TIAM1: variants seen among roughly 807,000 people sequenced by gnomAD.
The protein encoded by TIAM1 is TIAM Rac1 associated GEF 1.
In TIAM1, 65 loss-of-function variants were observed where a neutral mutation model predicts 163.5. The ratio of observed to expected loss-of-function variants is 0.40; its 90% CI spans 0.33 to 0.49. TIAM1 has a LOEUF of 0.49. Among genes scored for constraint, TIAM1 ranks in the 20% least tolerant of loss-of-function variants. The pLI is 0.77. For synonymous variants in TIAM1, 833 were observed against 810.1 expected, an observed-to-expected ratio of 1.03 and a Z score of -0.48; for missense variants, 1,789 against 2,044.7, an observed-to-expected ratio of 0.87 and a Z score of 2.41.
At chr21:31,436,935 G>T (rs1268372914) in intron 2 of TIAM1, among the ~76,000 whole-genome samples, 1 of 152,068 alleles carries the variant, frequency 6.6e-6, no homozygotes, top group African/African-American at 2.4e-5. Context: ...TCCAGCCTGG[G>T]TGACACAGTG....
At chr21:31,255,324 T>C (rs976635836) in intron 4 of TIAM1, among the ~76,000 whole-genome samples, 3 of 152,326 alleles carry the variant, frequency 2.0e-5, no homozygotes, top group South Asian at 4.1e-4. Flanking sequence ...GAGAAACGGA[T>C]GCAGGTTGCC....
intron 1 of TIAM1, among the ~76,000 whole-genome samples, chr21:31,553,878 C>T (rs1293001591): frequency 6.6e-6 from 1 of 152,150 alleles, no homozygotes; most frequent in Non-Finnish European, 1.5e-5. Flanking sequence ...CTCCCCTTCC[C>T]CTAGCGAAGA....
chr21:31,501,074 CT>C (rs956706372), intron 1 of TIAM1, among the ~76,000 whole-genome samples: 1 of 151,498 alleles, frequency 6.6e-6, no homozygotes, highest in African/African-American at 2.4e-5. Context: ...TTTGTTGGTT[CT>C]TTTTTTTTCC....
intron 20 of TIAM1, among the ~76,000 whole-genome samples, chr21:31,145,433 C>T (rs939008980): frequency 2.6e-5 from 4 of 152,338 alleles, no homozygotes; most frequent in East Asian, 1.9e-4. Context: ...TGTTAAGGAA[C>T]AGCAAGCTGA....
At chr21:31,450,800 C>T (rs1369287864) in intron 2 of TIAM1, among the ~76,000 whole-genome samples, 1 of 152,104 alleles carries the variant, frequency 6.6e-6, no homozygotes, top group Non-Finnish European at 1.5e-5. Flanking sequence ...CCTTTTAAAA[C>T]CATCAGATCT....
At chr21:31,324,542 C>G (rs1299353349) in intron 2 of TIAM1, among the ~76,000 whole-genome samples, 1 of 152,144 alleles carries the variant, frequency 6.6e-6, no homozygotes, top group African/African-American at 2.4e-5. Flanking sequence ...GAATCCAAAG[C>G]ACAGAGAACT....
intron 16 of TIAM1, among the ~76,000 whole-genome samples, chr21:31,163,919 A>G (rs1415570398): frequency 6.6e-6 from 1 of 152,252 alleles, no homozygotes; most frequent in Non-Finnish European, 1.5e-5. Context: ...ACAACATTAT[A>G]GAAAAAGATG....
intron 2 of TIAM1, among the ~76,000 whole-genome samples, chr21:31,461,208 G>A (rs969444937): frequency 6.6e-6 from 1 of 152,172 alleles, no homozygotes; most frequent in African/African-American, 2.4e-5. Flanking sequence ...TTGAGGCCAG[G>A]TGCAGTGGCT....
chr21:31,394,854 A>G (rs1388609125), intron 2 of TIAM1, among the ~76,000 whole-genome samples: 1 of 150,166 alleles, frequency 6.7e-6, no homozygotes, highest in African/African-American at 2.5e-5. Context: ...CATTCCCTCC[A>G]CCTCCTTGCC....
chr21:31,509,743 C>G (rs1349557820), intron 1 of TIAM1, among the ~76,000 whole-genome samples: 1 of 152,130 alleles, frequency 6.6e-6, no homozygotes, highest in African/African-American at 2.4e-5. Flanking sequence ...AGAGGCCCTT[C>G]CCTTGCAACA....
At chr21:31,220,975 T>C (rs1175068700) in intron 8 of TIAM1, among the ~76,000 whole-genome samples, 1 of 152,154 alleles carries the variant, frequency 6.6e-6, no homozygotes, top group African/African-American at 2.4e-5. Flanking sequence ...GAATGCTACT[T>C]CAATTGTAGC....
At chr21:31,479,482 T>C (rs1291091187) in intron 1 of TIAM1, among the ~76,000 whole-genome samples, 1 of 152,038 alleles carries the variant, frequency 6.6e-6, no homozygotes, top group African/African-American at 2.4e-5. Flanking sequence ...GATGGAAGGA[T>C]GGATGAGCGG....
intron 14 of TIAM1, among the ~76,000 whole-genome samples, chr21:31,185,825 G>A (rs1196313373): frequency 6.6e-6 from 1 of 151,796 alleles, no homozygotes; most frequent in Non-Finnish European, 1.5e-5. Flanking sequence ...CAGGGCAGAA[G>A]CCATGTGACT....
intron 1 of TIAM1, among the ~76,000 whole-genome samples, chr21:31,539,610 A>G (rs1004982970): frequency 3.9e-5 from 6 of 152,160 alleles, no homozygotes; most frequent in Admixed American, 2.0e-4. Flanking sequence ...TCAGTTTAGC[A>G]GAGTCACATG....
At chr21:31,211,484 C>CTGGT (rs1420311536) in intron 10 of TIAM1, among the ~76,000 whole-genome samples, 3 of 152,118 alleles carry the variant, frequency 2.0e-5, no homozygotes, top group Admixed American at 6.5e-5. Context: ...AAGAACAAGG[C>CTGGT]TGGTATCAGC....
In TIAM1 at chr21:31,141,250, G is replaced by C. The variant is rs998502931; in HGVS notation, c.3656-14C>G. 3 of 1,613,846 alleles carry C rather than the reference G, an allele frequency of 1.9e-6. No individual in the cohort carries two copies. In the African/African-American group the frequency reaches 4.0e-5, roughly 22 times the overall value. On this transcript the variant is annotated splice_polypyrimidine_tract_variant and intron_variant, in intron 21 of 27. Coordinates refer to ENST00000541036, the MANE Select transcript of TIAM1 (RefSeq NM_001353694.2). This position sits in a 1 kb window ranked among gnomAD's most constrained non-coding sequence, Gnocchi z 4.7. ...TCTTGATGGCCACTGGAAGAAAACAGGTTGTGAAATGAGAGGCTATTTAGA... is the reference window on the plus strand; with the variant it reads ...TCTTGATGGCCACTGGAAGAAAACACGTTGTGAAATGAGAGGCTATTTAGA...
intron 2 of TIAM1, among the ~76,000 whole-genome samples, chr21:31,366,039 G>A (rs579937): frequency 0.72 from 103,895 of 145,212 alleles, 38,358 homozygotes; most frequent in African/African-American, 0.92. Context: ...GTGAGCCGAG[G>A]TAGCTCCACT....
At chr21:31,327,476 T>TA (rs1010031478) in intron 2 of TIAM1, among the ~76,000 whole-genome samples, 1 of 150,874 alleles carries the variant, frequency 6.6e-6, no homozygotes, top group African/African-American at 2.4e-5. Context: ...CCATCTCTAC[T>TA]AAAAATAGAA....
intron 13 of TIAM1, among the ~76,000 whole-genome samples, chr21:31,192,221 G>A (rs959305531): frequency 2.0e-5 from 3 of 152,206 alleles, no homozygotes; most frequent in Non-Finnish European, 4.4e-5. Context: ...CCTCTATTGA[G>A]TATTCCGAGA....
Sources: gnomAD v4.1 joint callset for allele counts (sites outside exome capture counted in the v4.1 genomes callset) on GRCh38, gnomAD v4.1.1 for gene constraint, Gnocchi (gnomAD v3.1) non-coding constraint, MANE v1.5 for transcripts, NCBI Gene and HGNC (gene_info 2026-07-23, HGNC 2026-07-21) for gene names.